Variants in DGKB observed in about 807,000 individuals in gnomAD.
DGKB encodes the protein diacylglycerol kinase beta, also known as 90 kDa diacylglycerol kinase.
A neutral mutation model predicts 114.3 loss-of-function variants in DGKB; 67 were observed. That is an observed-to-expected ratio of 0.59 (90% CI 0.48 to 0.72). The LOEUF (loss-of-function observed/expected upper bound fraction) is 0.72. Among genes scored for constraint, DGKB ranks in the 30% least tolerant of loss-of-function variants. The pLI, the probability that DGKB is intolerant of heterozygous loss-of-function variation, is 0.00. For synonymous variants in DGKB, 398 were observed against 323.1 expected, an observed-to-expected ratio of 1.23 and a Z score of -2.49; for missense variants, 907 against 975.2, an observed-to-expected ratio of 0.93 and a Z score of 0.93.
intron 15 of DGKB, among the ~76,000 whole-genome samples, chr7:14,619,040 C>G (rs1436934136): frequency 6.6e-6 from 1 of 151,296 alleles, no homozygotes; most frequent in Non-Finnish European, 1.5e-5. Flanking sequence ...GAACTTTATT[C>G]TTTTATTTTT....
intron 21 of DGKB, among the ~76,000 whole-genome samples, chr7:14,373,033 G>A (rs1361261304): frequency 2.0e-5 from 3 of 152,100 alleles, no homozygotes; most frequent in African/African-American, 7.2e-5. Context: ...AACATGATGT[G>A]GGTAATTTCA....
chr7:14,693,591 T>C (rs1479017066), intron 9 of DGKB, among the ~76,000 whole-genome samples: 1 of 150,554 alleles, frequency 6.6e-6, no homozygotes, highest in Admixed American at 6.6e-5. Context: ...TTAAAGGTAA[T>C]GGCAGAAAAC....
At chr7:14,298,835 C>A (rs1319779707) in intron 23 of DGKB, among the ~76,000 whole-genome samples, 4 of 152,088 alleles carry the variant, frequency 2.6e-5, no homozygotes. Flanking sequence ...AGAACTTAAA[C>A]AAATTTACAA....
At chr7:14,863,516 A>T (rs1851279190) in intron 1 of DGKB, among the ~76,000 whole-genome samples, 1 of 152,006 alleles carries the variant, frequency 6.6e-6, no homozygotes, top group Non-Finnish European at 1.5e-5. Context: ...GAAAGTAGAA[A>T]ATCACTGTAA....
intron 1 of DGKB, among the ~76,000 whole-genome samples, chr7:14,967,361 C>T (rs1458976585): frequency 6.6e-6 from 1 of 151,700 alleles, no homozygotes; most frequent in Non-Finnish European, 1.5e-5. Context: ...GTCTCTGTTG[C>T]CCAGGCTGGA....
intron 21 of DGKB, among the ~76,000 whole-genome samples, chr7:14,451,361 T>C (rs1209046391): frequency 6.6e-6 from 1 of 151,844 alleles, no homozygotes; most frequent in African/African-American, 2.4e-5. Context: ...GGGAGATTGG[T>C]TTTCTGCCTT....
intron 21 of DGKB, among the ~76,000 whole-genome samples, chr7:14,357,083 G>T (rs142805541): frequency 6.6e-6 from 1 of 152,176 alleles, no homozygotes; most frequent in Non-Finnish European, 1.5e-5. Context: ...TTGATTTGGG[G>T]TGCAGAGTTC....
Position 14,145,841 on chromosome 7 carries a change from AAGAATACAGTGTGAGATTCAAGG to A in DGKB, c.*3267_*3289del, listed in dbSNP as rs1189208948. On this transcript the variant is annotated 3_prime_UTR_variant, in exon 26 of 26. Coordinates refer to ENST00000402815, the MANE Select transcript of DGKB (RefSeq NM_001350709.2). ...ATGATCTCAAAATCTTGTCTCATTC[AAGAATACAGTGTGAGATTCAAGG>A]AGAATACAGTGTGAGATTCAAAACA... 2.0e-5 allele frequency: 3 copies of A among 152,228 alleles called. No individual in the cohort carries two copies. The highest frequency in any genetic ancestry group is 2.1e-4 in the South Asian group (1 of 4,832). The allele number at this position is 152,228 out of a possible 1,614,324, so 9.4% of individuals were successfully genotyped here. A position where few individuals can be genotyped will look rare whatever the true frequency, so the allele number is the denominator to read the frequency against.
chr7:14,268,285 G>A (rs1294706302), intron 23 of DGKB, among the ~76,000 whole-genome samples: 2 of 151,904 alleles, frequency 1.3e-5, no homozygotes, highest in Admixed American at 6.6e-5. Flanking sequence ...CAGATTATAA[G>A]ACATTTTATA....
At chr7:14,876,276 A>G (rs1853270602) in intron 1 of DGKB, among the ~76,000 whole-genome samples, 1 of 152,148 alleles carries the variant, frequency 6.6e-6, no homozygotes, top group Non-Finnish European at 1.5e-5. Context: ...TCTAATCTAC[A>G]TGTAATTAAA....
chr7:14,658,436 A>C (rs554180561), intron 13 of DGKB, among the ~76,000 whole-genome samples: 1 of 151,978 alleles, frequency 6.6e-6, no homozygotes, highest in African/African-American at 2.4e-5. Flanking sequence ...TTTGTGGAGT[A>C]GGGGGATAAA....
At chr7:14,290,316 ATTTG>A (rs1298657787) in intron 23 of DGKB, among the ~76,000 whole-genome samples, 1 of 152,112 alleles carries the variant, frequency 6.6e-6, no homozygotes, top group Non-Finnish European at 1.5e-5. Context: ...TGAAATTTTT[ATTTG>A]TTTTTTTTCC....
intron 21 of DGKB, among the ~76,000 whole-genome samples, chr7:14,458,139 T>A (rs914502443): frequency 2.0e-5 from 3 of 152,186 alleles, no homozygotes; most frequent in African/African-American, 7.2e-5. Context: ...GGAAGCCTTC[T>A]AAAAATTTAA....
At chr7:14,724,806 T>C (rs536902689) in intron 5 of DGKB, among the ~76,000 whole-genome samples, 1 of 152,312 alleles carries the variant, frequency 6.6e-6, no homozygotes, top group South Asian at 2.1e-4. Context: ...ACAAATCATC[T>C]CATTCCAAAC....
chr7:14,871,278 T>C (rs1003758032), intron 1 of DGKB, among the ~76,000 whole-genome samples: 1 of 152,160 alleles, frequency 6.6e-6, no homozygotes, highest in African/African-American at 2.4e-5. Context: ...TCCATTCTTT[T>C]AGCAATTTCA....
chr7:14,841,476 A>G (rs1847926136), intron 1 of DGKB, 26 bp from the exon 2 acceptor site: 5 of 417,638 alleles, frequency 1.2e-5, no homozygotes, highest in Non-Finnish European at 1.7e-5. Flanking sequence ...ACAGATCAAG[A>G]TCAAAAGATT....
intron 1 of DGKB, among the ~76,000 whole-genome samples, chr7:14,935,870 T>C (rs1023156012): frequency 6.6e-6 from 1 of 152,106 alleles, no homozygotes; most frequent in African/African-American, 2.4e-5. Context: ...GAAATGTAGA[T>C]TCTAATTCTA....
At chr7:14,167,855 G>C (rs1260925328) in intron 25 of DGKB, among the ~76,000 whole-genome samples, 1 of 152,114 alleles carries the variant, frequency 6.6e-6, no homozygotes, top group Non-Finnish European at 1.5e-5. Context: ...CATTTCCTGT[G>C]AGAATTGAAA....
At chr7:14,273,523 C>A (rs144594438) in intron 23 of DGKB, among the ~76,000 whole-genome samples, 2 of 152,276 alleles carry the variant, frequency 1.3e-5, no homozygotes, top group Non-Finnish European at 2.9e-5. Context: ...ATATTTATAT[C>A]AAGTACTGTG....
Sources: allele counts gnomAD v4.1 joint callset (sites outside exome capture counted in the v4.1 genomes callset), GRCh38; gene constraint gnomAD v4.1.1; transcripts MANE v1.5; gene names NCBI Gene and HGNC (gene_info 2026-07-23, HGNC 2026-07-21).